Variants in NEBL observed in about 807,000 individuals in gnomAD.
The protein encoded by NEBL is nebulette, also known as LIM and SH3 protein 2.
NEBL carries 122 observed loss-of-function variants against 140.2 expected under a neutral mutation model. The observed-to-expected ratio is 0.87, with a 90% CI of 0.75 to 1.01. NEBL has a LOEUF of 1.01. Among genes scored for constraint, NEBL ranks in the 50% least tolerant of loss-of-function variants. NEBL has a pLI of 0.00. For synonymous variants in NEBL, 436 were observed against 398.9 expected, an observed-to-expected ratio of 1.09 and a Z score of -1.11; for missense variants, 1,365 against 1,231.3, an observed-to-expected ratio of 1.11 and a Z score of -1.62.
At chr10:21,273,134 T>G (rs544222454) in intron 1 of NEBL, among the ~76,000 whole-genome samples, 2 of 152,120 alleles carry the variant, frequency 1.3e-5, no homozygotes, top group African/African-American at 4.8e-5. Flanking sequence ...GTTGGGAGCT[T>G]GTGGGCCCTC....
chr10:21,107,504 C>A (rs1018577149), intron 2 of NEBL, among the ~76,000 whole-genome samples: 1 of 152,162 alleles, frequency 6.6e-6, no homozygotes. Flanking sequence ...AGCCTTGCAT[C>A]CCAGGGATGA....
At chr10:21,243,961 C>CGGAAGGGAGGGAAGGGAGGGAAGGGAG (rs1258110562) in intron 3 of NEBL, among the ~76,000 whole-genome samples, 1 of 104,980 alleles carries the variant, frequency 9.5e-6, no homozygotes, top group African/African-American at 4.0e-5. Context: ...GGGAAGAGGA[C>CGGAAGGGAGGGAAGGGAGGGAAGGGAG]GGAAGGGAGG....
chr10:20,928,056 G>T (rs537742538), intron 4 of NEBL, among the ~76,000 whole-genome samples: 2 of 152,032 alleles, frequency 1.3e-5, no homozygotes, highest in Non-Finnish European at 2.9e-5. Context: ...ATTTCAACAC[G>T]TTATTGATAT....
intron 2 of NEBL, among the ~76,000 whole-genome samples, chr10:21,078,637 T>C (rs1304552328): frequency 6.6e-6 from 1 of 152,166 alleles, no homozygotes; most frequent in East Asian, 1.9e-4. Flanking sequence ...CTCATTTGAG[T>C]GGGACTTTAA....
At chr10:20,927,106 C>T (rs1180411824) in intron 4 of NEBL, among the ~76,000 whole-genome samples, 1 of 152,080 alleles carries the variant, frequency 6.6e-6, no homozygotes, top group Non-Finnish European at 1.5e-5. Context: ...GACAGAAGCT[C>T]AGGAGCGGAG....
chr10:20,851,153 A>T (rs1232888548), intron 10 of NEBL, among the ~76,000 whole-genome samples: 7 of 152,226 alleles, frequency 4.6e-5, no homozygotes, highest in African/African-American at 1.7e-4. Context: ...AAAAAATAAT[A>T]TGTAAGCCAT....
At chr10:20,800,548 C>T (rs556305032) in intron 26 of NEBL, among the ~76,000 whole-genome samples, 48 of 152,010 alleles carry the variant, frequency 3.2e-4, no homozygotes, top group Non-Finnish European at 5.7e-4. Flanking sequence ...TAGGAACTTC[C>T]ATACTGTTTT....
At chr10:21,184,510 T>C (rs1427500705) in intron 3 of NEBL, among the ~76,000 whole-genome samples, 3 of 152,114 alleles carry the variant, frequency 2.0e-5, no homozygotes. Context: ...TCAGCATGAG[T>C]AATATTAATT....
intron 2 of NEBL, among the ~76,000 whole-genome samples, chr10:21,035,915 C>A (rs1833997689): frequency 6.6e-6 from 1 of 152,096 alleles, no homozygotes; most frequent in African/African-American, 2.4e-5. Flanking sequence ...GTAATCCCAG[C>A]ACTTTGGGAG....
At chr10:20,914,607 T>C (rs1469074676) in intron 4 of NEBL, among the ~76,000 whole-genome samples, 1 of 152,218 alleles carries the variant, frequency 6.6e-6, no homozygotes, top group Non-Finnish European at 1.5e-5. Context: ...TGGTAGTTTA[T>C]ATATTTCTTT....
At chr10:21,169,410 C>G (rs574601192) in intron 2 of NEBL, among the ~76,000 whole-genome samples, 1 of 152,068 alleles carries the variant, frequency 6.6e-6, no homozygotes, top group South Asian at 2.1e-4. Context: ...ACCATTGACC[C>G]GGAGAAATTA....
chr10:21,242,287 C>G (rs757960792), intron 3 of NEBL, among the ~76,000 whole-genome samples: 2 of 152,078 alleles, frequency 1.3e-5, no homozygotes, highest in Non-Finnish European at 2.9e-5. Flanking sequence ...TACTATGCAG[C>G]CATAAAAAGA....
chr10:20,823,325 G>T lies in NEBL; in HGVS notation c.1870-25C>A, dbSNP rs372684856. ...CCTGCATAATTTATAAGAATATAAC[G>T]TTAACTTTATTCTATGCAAGGCTTT... On this transcript the variant is annotated intron_variant, in intron 18 of 27. Coordinates refer to ENST00000377122, the MANE Select transcript of NEBL (RefSeq NM_006393.3). 5 of 1,502,620 alleles carry T rather than the reference G, an allele frequency of 3.3e-6. No homozygotes were observed. In the African/African-American group the frequency reaches 4.1e-5, roughly 12 times the overall value. The allele number at this position is 1,502,620 out of a possible 1,614,324, so 93.1% of individuals were successfully genotyped here.
chr10:21,207,904 T>C (rs1476321711), intron 3 of NEBL, among the ~76,000 whole-genome samples: 1 of 152,158 alleles, frequency 6.6e-6, no homozygotes, highest in Non-Finnish European at 1.5e-5. Context: ...GCAGTCTCTC[T>C]TATGACAGAT....
At chr10:21,120,143 G>A (rs966719137) in intron 2 of NEBL, among the ~76,000 whole-genome samples, 12 of 151,752 alleles carry the variant, frequency 7.9e-5, no homozygotes, top group Non-Finnish European at 1.8e-4. Flanking sequence ...GGCTGATGCA[G>A]GAGGATCCCT....
chr10:21,100,246 C>T (rs535894270), intron 2 of NEBL, among the ~76,000 whole-genome samples: 79 of 152,274 alleles, frequency 5.2e-4, no homozygotes, highest in African/African-American at 1.9e-3. Flanking sequence ...GTGTGGTACC[C>T]GACCATTCCC....
chr10:21,129,213 G>A (rs776224209), intron 2 of NEBL, among the ~76,000 whole-genome samples: 3 of 151,980 alleles, frequency 2.0e-5, no homozygotes, highest in Non-Finnish European at 4.4e-5. Context: ...ACATAAGAAA[G>A]AAAGTACATT....
intron 1 of NEBL, among the ~76,000 whole-genome samples, chr10:21,262,138 C>A (rs1842746418): frequency 6.6e-6 from 1 of 152,138 alleles, no homozygotes; most frequent in Admixed American, 6.6e-5. Flanking sequence ...GCTTAGCTGG[C>A]AAATTGCGAG....
chr10:21,146,319 C>A, intron 2 of NEBL: 1 of 1,595,364 alleles, frequency 6.3e-7, no homozygotes, highest in Non-Finnish European at 8.5e-7. Context: ...GCAGTATAAA[C>A]CTGCCCCCAA....
Sources: gnomAD v4.1 joint callset for allele counts (sites outside exome capture counted in the v4.1 genomes callset) on GRCh38, gnomAD v4.1.1 for gene constraint, MANE v1.5 for transcripts, NCBI Gene and HGNC (gene_info 2026-07-23, HGNC 2026-07-21) for gene names.